Variants in SYN3 observed in about 807,000 individuals in gnomAD.
SYN3 encodes the protein synapsin-3.
A neutral mutation model predicts 65.8 loss-of-function variants in SYN3; 35 were observed. The observed-to-expected ratio is 0.53, with a 90% CI of 0.41 to 0.70. The LOEUF is 0.70. Ranked by LOEUF, SYN3 falls within the 30% of genes least tolerant of loss-of-function variation. The pLI is 0.00. For missense variants in SYN3, 680 were observed against 749.0 expected (o/e 0.91, Z 1.08); for synonymous variants, 270 against 292.9 (o/e 0.92, Z 0.80).
chr22:32,836,673 G>A (rs571160685), intron 6 of SYN3, among the ~76,000 whole-genome samples: 2 of 152,250 alleles, frequency 1.3e-5, no homozygotes, highest in East Asian at 3.9e-4. Flanking sequence ...ATGTGGTTGT[G>A]AGCTGGAAGG....
chr22:32,724,842 C>T (rs536058023), intron 6 of SYN3, among the ~76,000 whole-genome samples: 3 of 152,200 alleles, frequency 2.0e-5, no homozygotes, highest in Non-Finnish European at 2.9e-5. Flanking sequence ...TCTTCTGGGC[C>T]GAGCGCGGTG....
intron 6 of SYN3, among the ~76,000 whole-genome samples, chr22:32,799,214 C>T (rs150748651): frequency 3.9e-5 from 6 of 152,230 alleles, no homozygotes; most frequent in East Asian, 1.9e-4. Flanking sequence ...TGCCTTCACA[C>T]GGTGGGCAGA....
intron 6 of SYN3, among the ~76,000 whole-genome samples, chr22:32,790,112 A>G (rs80267): frequency 0.92 from 140,864 of 152,330 alleles, 65,217 homozygotes; most frequent in East Asian, 0.96. Flanking sequence ...AGGCAGTAGT[A>G]AGCTGGTAAA....
intron 6 of SYN3, among the ~76,000 whole-genome samples, chr22:32,643,091 T>G (rs1305120181): frequency 6.6e-6 from 1 of 152,152 alleles, no homozygotes; most frequent in East Asian, 1.9e-4. Flanking sequence ...TTTGTTTTTG[T>G]TTTTTGAGAT....
At chr22:32,603,006 G>C (rs2059307716) in intron 6 of SYN3, among the ~76,000 whole-genome samples, 1 of 149,146 alleles carries the variant, frequency 6.7e-6, no homozygotes. Context: ...ATGGAGTCTC[G>C]CTCTGTCGCC....
chr22:32,534,461 G>T (rs1172855905), intron 9 of SYN3, among the ~76,000 whole-genome samples: 4 of 152,108 alleles, frequency 2.6e-5, no homozygotes, highest in Non-Finnish European at 4.4e-5. Flanking sequence ...AGACTGGCAG[G>T]CTGCTTCTGC....
At chr22:32,641,525 G>A (rs1380356532) in intron 6 of SYN3, among the ~76,000 whole-genome samples, 1 of 148,348 alleles carries the variant, frequency 6.7e-6, no homozygotes, top group Non-Finnish European at 1.5e-5. Context: ...GGAGAATGTT[G>A]TGAACCCGGG....
chr22:32,508,376 G>A lies in SYN3; in HGVS notation c.*5316C>T, dbSNP rs1008866075. Among the ~76,000 whole-genome samples, 2 of 151,678 alleles carry A rather than the reference G, an allele frequency of 1.3e-5. No homozygotes were observed. Among genetic ancestry groups the A allele is most frequent in the East Asian group, 1.9e-4 (1 of 5,172 alleles). ...ATTACCTTCCCAAATCCTATAAAACGGCCCCATCCCTACTCCCTTTGCTGA... is the reference window on the plus strand; with the variant it reads ...ATTACCTTCCCAAATCCTATAAAACAGCCCCATCCCTACTCCCTTTGCTGA... On this transcript the variant is annotated 3_prime_UTR_variant, in exon 14 of 14. Transcript: ENST00000358763.
At chr22:33,026,849 G>A (rs1431757501) in intron 1 of SYN3, among the ~76,000 whole-genome samples, 1 of 152,194 alleles carries the variant, frequency 6.6e-6, no homozygotes, top group Non-Finnish European at 1.5e-5. Flanking sequence ...TGATGTTGTT[G>A]AGAAAACGTG....
At chr22:32,969,063 G>C (rs1048978096) in intron 3 of SYN3, among the ~76,000 whole-genome samples, 6 of 152,166 alleles carry the variant, frequency 3.9e-5, no homozygotes, top group African/African-American at 1.4e-4. Context: ...ACTAACAGGG[G>C]GCCGTGCTGA....
chr22:32,533,900 A>G lies in SYN3; in HGVS notation c.993-5T>C. On this transcript the variant is annotated splice_polypyrimidine_tract_variant and splice_region_variant and intron_variant, in intron 9 of 13. Coordinates refer to ENST00000358763, the MANE Select transcript of SYN3 (RefSeq NM_003490.4). Reference sequence around the variant, plus strand: ...CTGTCCACCCACAGCCTGTACCTGCAGGGACAGATGGACAGACAGTGAAGT... The same window carrying G: ...CTGTCCACCCACAGCCTGTACCTGCGGGGACAGATGGACAGACAGTGAAGT... The G allele has an allele frequency of 1.2e-6, 2 of 1,608,534 alleles. No individual in the cohort carries two copies. The highest frequency in any genetic ancestry group is 1.1e-5 in the South Asian group (1 of 90,780).
At chr22:32,767,664 T>C (rs1423219713) in intron 6 of SYN3, among the ~76,000 whole-genome samples, 1 of 152,224 alleles carries the variant, frequency 6.6e-6, no homozygotes, top group Non-Finnish European at 1.5e-5. Context: ...AGATGAGTAA[T>C]CCGGTATCAG....
intron 6 of SYN3, chr22:32,629,690 T>G (rs1049868064): frequency 2.0e-5 from 3 of 152,246 alleles, no homozygotes; most frequent in Non-Finnish European, 2.9e-5. Context: ...CCTGGGAGCC[T>G]CTTTGCAATC....
At chr22:32,539,977 T>C (rs967024444) in intron 8 of SYN3, among the ~76,000 whole-genome samples, 1 of 152,086 alleles carries the variant, frequency 6.6e-6, no homozygotes, top group Admixed American at 6.5e-5. Context: ...CAGTGGCAGG[T>C]CTGGCTTGCC....
chr22:32,891,983 A>C (rs1329483922), intron 4 of SYN3, among the ~76,000 whole-genome samples: 2 of 150,878 alleles, frequency 1.3e-5, no homozygotes, highest in Non-Finnish European at 2.9e-5. Flanking sequence ...TTAGCTAATA[A>C]TAATAATAAT....
intron 6 of SYN3, among the ~76,000 whole-genome samples, chr22:32,846,935 T>TG (rs879764379): frequency 6.6e-6 from 1 of 152,194 alleles, no homozygotes; most frequent in Non-Finnish European, 1.5e-5. Context: ...AGGAAGGAGT[T>TG]GGCTGGTTGT....
chr22:32,559,408 A>T (rs2058551471), intron 7 of SYN3, among the ~76,000 whole-genome samples: 1 of 152,214 alleles, frequency 6.6e-6, no homozygotes, highest in African/African-American at 2.4e-5. Flanking sequence ...GAGGGCCAAG[A>T]GGGCTCTTCC....
chr22:32,675,494 C>T (rs546745363), intron 6 of SYN3, among the ~76,000 whole-genome samples: 5 of 152,128 alleles, frequency 3.3e-5, no homozygotes, highest in African/African-American at 1.2e-4. Flanking sequence ...ACTGGGAGAA[C>T]AGCTGGCATC....
intron 6 of SYN3, among the ~76,000 whole-genome samples, chr22:32,790,485 G>A (rs1332023869): frequency 6.6e-6 from 1 of 151,506 alleles, no homozygotes; most frequent in East Asian, 1.9e-4. Flanking sequence ...GAGTGCAGTG[G>A]CATGATCTTG....
Sources: gnomAD v4.1 joint callset for allele counts (sites outside exome capture counted in the v4.1 genomes callset) on GRCh38, gnomAD v4.1.1 for gene constraint, MANE v1.5 for transcripts, NCBI Gene and HGNC (gene_info 2026-07-23, HGNC 2026-07-21) for gene names.